Variants in EIF2B1 observed in about 807,000 individuals in gnomAD.
The protein encoded by EIF2B1 is eukaryotic translation initiation factor 2B subunit alpha, also known as translation initiation factor eIF2B subunit alpha.
A neutral mutation model predicts 36.8 loss-of-function variants in EIF2B1; 30 were observed. The ratio of observed to expected loss-of-function variants is 0.81; its 90% CI spans 0.61 to 1.10. The LOEUF (loss-of-function observed/expected upper bound fraction) is 1.10. Ranked by LOEUF, EIF2B1 falls within the 50% of genes least tolerant of loss-of-function variation. The probability of loss-of-function intolerance (pLI) is 0.00; values close to 1 mark genes in which losing one functional copy is unlikely to be tolerated. For synonymous variants in EIF2B1, 139 were observed against 142.2 expected, an observed-to-expected ratio of 0.98 and a Z score of 0.16; for missense variants, 271 against 374.8, an observed-to-expected ratio of 0.72 and a Z score of 2.29.
At position 123,626,457 on chromosome 12, in the gene EIF2B1, G is replaced by A; in HGVS notation, c.519C>T (p.Val173=). Residue 173 remains valine (V), a synonymous_variant, in exon 6 of 9, where the codon GTC becomes GTT. Transcript: ENST00000424014. Reference sequence around the variant, plus strand: ...CAGCATCTAGCACCACAGTGACAGGGACGTTGAGGTGGCAGAGGGCTTTGG... The same window carrying A: ...CAGCATCTAGCACCACAGTGACAGGAACGTTGAGGTGGCAGAGGGCTTTGG... ...KMAKALCHLN[V]PVTVVLDAAV... 3.1e-6 allele frequency: 5 copies of A among 1,614,164 alleles called. No homozygotes were observed. Among genetic ancestry groups the A allele is most frequent in the Non-Finnish European group, 4.2e-6 (5 of 1,180,002 alleles).
rs1566211353 is a variant in EIF2B1 at position 123,620,612 on chromosome 12, AT to A, written c.*1143del. 702 of 75,014 alleles carry A rather than the reference AT, an allele frequency of 9.4e-3. 18 individuals are homozygous for A. The highest frequency in any genetic ancestry group is 0.028 in the African/African-American group (625 of 22,014). The allele number at this position is 75,014 out of a possible 1,614,324, so 4.6% of individuals were successfully genotyped here. A position where few individuals can be genotyped will look rare whatever the true frequency, so the allele number is the denominator to read the frequency against. On this transcript the variant is annotated 3_prime_UTR_variant, in exon 9 of 9. Coordinates refer to ENST00000424014, the MANE Select transcript of EIF2B1 (RefSeq NM_001414.4). ...TATATATATATATATATATATATAT[AT>A]ATATATATATATATAAGCTCTTTTT...
intron 7 of EIF2B1, among the ~76,000 whole-genome samples, chr12:123,623,195 T>C (rs954911146): frequency 2.6e-5 from 4 of 151,910 alleles, no homozygotes; most frequent in Non-Finnish European, 1.5e-5. Context: ...AGCTGGCCAA[T>C]ATAGGGAAAC....
chr12:123,624,180 T>C (rs1162667592), intron 7 of EIF2B1, among the ~76,000 whole-genome samples: 2 of 150,354 alleles, frequency 1.3e-5, no homozygotes, highest in Non-Finnish European at 3.0e-5. Context: ...AAAACATACA[T>C]ATACACATAA....
intron 1 of EIF2B1, 30 bp downstream of exon 1, chr12:123,633,515 G>A (rs922280205): frequency 1.9e-6 from 3 of 1,613,664 alleles, no homozygotes; most frequent in African/African-American, 2.7e-5. Flanking sequence ...CGCTGCTGTA[G>A]CCTAGCAGCC....
In EIF2B1 at chr12:123,620,580, T is replaced by TTATATATATA. The variant is rs68169681; in HGVS notation, c.*1166_*1175dup. ...GGTCACATATAGACATATGTACATA[T>TTATATATATA]TATATATATATATATATATATATAT... is the stretch of plus-strand genomic sequence containing the variant. On this transcript the variant is annotated 3_prime_UTR_variant, in exon 9 of 9. Transcript: ENST00000424014. 107 of 65,288 alleles carry TTATATATATA rather than the reference T, an allele frequency of 1.6e-3. No individual in the cohort carries two copies. The highest frequency in any genetic ancestry group is 4.2e-3 in the East Asian group (3 of 722). The allele number at this position is 65,288 out of a possible 1,614,324, so 4.0% of individuals were successfully genotyped here. A position where few individuals can be genotyped will look rare whatever the true frequency, so the allele number is the denominator to read the frequency against.
At chr12:123,632,312 T>C in intron 2 of EIF2B1, 33 bp downstream of exon 2, 1 of 1,293,088 alleles carries the variant, frequency 7.7e-7, no homozygotes, top group Non-Finnish European at 1.1e-6. Context: ...CTATCCTAAG[T>C]CCCAGAGTGT....
intron 4 of EIF2B1, among the ~76,000 whole-genome samples, chr12:123,629,559 C>T (rs540946981): frequency 2.6e-5 from 4 of 152,146 alleles, no homozygotes; most frequent in African/African-American, 7.2e-5. Flanking sequence ...TTTGGGAGGC[C>T]GAAGCGGGTG....
At chr12:123,628,459 T>C (rs1459260127) in intron 4 of EIF2B1, among the ~76,000 whole-genome samples, 1 of 147,778 alleles carries the variant, frequency 6.8e-6, no homozygotes, top group Non-Finnish European at 1.5e-5. Context: ...ACTTCCTGGG[T>C]TCAGGTGATT....
At chr12:123,622,831 C>T in intron 7 of EIF2B1, 70 bp from the exon 8 acceptor site, 2 of 1,602,988 alleles carry the variant, frequency 1.2e-6, no homozygotes, top group South Asian at 1.1e-5. Context: ...GAAAAGCGGG[C>T]CGGGCACAGT....
chr12:123,625,647 CTT>C (rs1955142935), intron 6 of EIF2B1, among the ~76,000 whole-genome samples: 1 of 152,220 alleles, frequency 6.6e-6, no homozygotes. Flanking sequence ...GATCACTACT[CTT>C]GTTTTTTCTT....
At chr12:123,627,997 T>TG (rs1167996932) in intron 4 of EIF2B1, among the ~76,000 whole-genome samples, 2 of 152,230 alleles carry the variant, frequency 1.3e-5, no homozygotes, top group Non-Finnish European at 2.9e-5. Flanking sequence ...AAACACTGTT[T>TG]GGGGTAATCA....
At position 123,622,771 on chromosome 12, in the gene EIF2B1, C is replaced by G. The variant is rs374863786; in HGVS notation, c.628-10G>C. The G allele has an allele frequency of 6.2e-7, 1 of 1,613,346 alleles. No homozygotes were observed. The highest frequency in any genetic ancestry group is 8.5e-7 in the Non-Finnish European group (1 of 1,179,592). On this transcript the variant is annotated splice_polypyrimidine_tract_variant and intron_variant, in intron 7 of 8. Coordinates refer to ENST00000424014, the MANE Select transcript of EIF2B1 (RefSeq NM_001414.4). ...TCTGGTTGGTTCCAATCTGGGAAGGCAGAAAATGGAATGGATGAGCTCTAG... is the reference window on the plus strand; with the variant it reads ...TCTGGTTGGTTCCAATCTGGGAAGGGAGAAAATGGAATGGATGAGCTCTAG...
chr12:123,631,927 T>C (rs1320765840), intron 2 of EIF2B1, among the ~76,000 whole-genome samples: 7 of 151,752 alleles, frequency 4.6e-5, no homozygotes, highest in Admixed American at 3.9e-4. Context: ...TGAGCCGAGA[T>C]TGTGCCATTG....
At chr12:123,626,309 T>C (rs1955147849) in intron 6 of EIF2B1, 116 bp downstream of exon 6, 2 of 1,229,672 alleles carry the variant, frequency 1.6e-6, no homozygotes, top group Admixed American at 1.9e-5. Context: ...AATTAAGAAG[T>C]AGGACGCTAC....
intron 6 of EIF2B1, among the ~76,000 whole-genome samples, chr12:123,625,768 T>C (rs1442374348): frequency 6.6e-6 from 1 of 152,198 alleles, no homozygotes; most frequent in Non-Finnish European, 1.5e-5. Context: ...CAGCCAGGTC[T>C]TCACAGAAAT....
At chr12:123,623,621 C>T (rs1294246340) in intron 7 of EIF2B1, among the ~76,000 whole-genome samples, 5 of 151,954 alleles carry the variant, frequency 3.3e-5, no homozygotes, top group Middle Eastern at 3.4e-3. Flanking sequence ...TACAGGCACC[C>T]GCCACCATGC....
intron 7 of EIF2B1, among the ~76,000 whole-genome samples, chr12:123,623,911 C>G (rs1032017981): frequency 4.0e-4 from 61 of 152,154 alleles, no homozygotes; most frequent in African/African-American, 1.4e-3. Flanking sequence ...GCCACAGTGG[C>G]TCATGCCTGT....
At chr12:123,627,358 T>A (rs1448336116) in intron 4 of EIF2B1, among the ~76,000 whole-genome samples, 1 of 152,194 alleles carries the variant, frequency 6.6e-6, no homozygotes, top group Non-Finnish European at 1.5e-5. Flanking sequence ...TCACATCCTG[T>A]AGCAGGTGCA....
At position 123,620,607 on chromosome 12, in the gene EIF2B1, T is replaced by C. The variant is rs1450087578; in HGVS notation, c.*1149A>G. Reference sequence around the variant, plus strand: ...ATATATATATATATATATATATATATATATATATATATATATATATAAGCT... The same window carrying C: ...ATATATATATATATATATATATATACATATATATATATATATATATAAGCT... On this transcript the variant is annotated 3_prime_UTR_variant, in exon 9 of 9. Coordinates refer to ENST00000424014, the MANE Select transcript of EIF2B1 (RefSeq NM_001414.4). 1 of 75,948 alleles carries C rather than the reference T, an allele frequency of 1.3e-5. No individual in the cohort carries two copies. Among genetic ancestry groups the C allele is most frequent in the African/African-American group, 4.1e-5 (1 of 24,138 alleles). 4.7% of individuals were successfully genotyped at this position (75,948 alleles called of 1,614,324 possible). A position where few individuals can be genotyped will look rare whatever the true frequency, so the allele number is the denominator to read the frequency against.
Sources: allele counts gnomAD v4.1 joint callset (sites outside exome capture counted in the v4.1 genomes callset), GRCh38; gene constraint gnomAD v4.1.1; transcripts MANE v1.5; gene names NCBI Gene and HGNC (gene_info 2026-07-23, HGNC 2026-07-21).